LEF1: variants seen among roughly 807,000 people sequenced by gnomAD.
LEF1 encodes lymphoid enhancer-binding factor 1.
A neutral mutation model predicts 51.2 loss-of-function variants in LEF1; 14 were observed. The ratio of observed to expected loss-of-function variants is 0.27; its 90% confidence interval spans 0.18 to 0.43. The LOEUF is 0.43. LEF1 is among the 20% of genes least tolerant of loss of function. The pLI is 1.00. For synonymous variants in LEF1, 185 were observed against 183.2 expected, an observed-to-expected ratio of 1.01 and a Z score of -0.08; for missense variants, 386 against 512.0, an observed-to-expected ratio of 0.75 and a Z score of 2.37.
At chr4:108,064,195 AG>A in intron 10 of LEF1, 140 bp downstream of exon 10, 1 of 551,516 alleles carries the variant, frequency 1.8e-6, no homozygotes, top group East Asian at 3.1e-5. Flanking sequence ...AATTTTTAAA[AG>A]AATTTCAGGA....
intron 3 of LEF1, among the ~76,000 whole-genome samples, chr4:108,108,149 A>T (rs1051172510): frequency 3.3e-5 from 5 of 152,212 alleles, no homozygotes; most frequent in Non-Finnish European, 7.3e-5. Context: ...GTATAGTTAC[A>T]AAGGACCTCA....
intron 3 of LEF1, among the ~76,000 whole-genome samples, chr4:108,126,788 A>T (rs28617637): frequency 0.45 from 63,864 of 142,132 alleles, 16,316 homozygotes; most frequent in Middle Eastern, 0.68. Context: ...CTGGGTGACA[A>T]AGGGAGACTT....
intron 3 of LEF1, among the ~76,000 whole-genome samples, chr4:108,104,897 A>G (rs1741056510): frequency 6.6e-6 from 1 of 152,072 alleles, no homozygotes; most frequent in Admixed American, 6.6e-5. Context: ...CTGCCAGAGG[A>G]CAATTAGGGA....
rs1243919282 is a variant in LEF1 at position 108,168,859 on chromosome 4, G to C, written c.-1092C>G. The C allele has an allele frequency of 6.6e-6, 1 of 152,194 alleles. No homozygotes were observed. Among genetic ancestry groups the C allele is most frequent in the Non-Finnish European group, 1.5e-5 (1 of 68,044 alleles). The allele number at this position is 152,194 out of a possible 1,614,324, so 9.4% of individuals were successfully genotyped here. ...CGGGCGCGTCCTGGTTCCTCGGCCC[G>C]AGAGCGCGCAGCCCGGGTCCCTCCT... On this transcript the variant is annotated 5_prime_UTR_variant, in exon 1 of 12. Coordinates refer to ENST00000265165, the MANE Select transcript of LEF1 (RefSeq NM_016269.5). The surrounding 1 kb of genome is among the most constrained non-coding windows in gnomAD (Gnocchi z 4.6).
chr4:108,134,843 A>G (rs1743148520), intron 3 of LEF1, among the ~76,000 whole-genome samples: 1 of 152,246 alleles, frequency 6.6e-6, no homozygotes, highest in Non-Finnish European at 1.5e-5. Flanking sequence ...AAGTTGAAGC[A>G]GAACCCTTTC....
chr4:108,076,456 C>A (rs1322489020), intron 8 of LEF1, among the ~76,000 whole-genome samples: 1 of 152,126 alleles, frequency 6.6e-6, no homozygotes, highest in Non-Finnish European at 1.5e-5. Flanking sequence ...GCAACCTCCG[C>A]CTCCCAGGTT....
chr4:108,117,183 G>GA (rs1342707875), intron 3 of LEF1, among the ~76,000 whole-genome samples: 4 of 151,990 alleles, frequency 2.6e-5, no homozygotes, highest in Non-Finnish European at 5.9e-5. Flanking sequence ...CTGCCACCCA[G>GA]AAAAAAACTT....
At chr4:108,104,792 G>C in intron 3 of LEF1, 1 of 496,502 alleles carries the variant, frequency 2.0e-6, no homozygotes, top group Non-Finnish European at 2.6e-6. Flanking sequence ...GCTCTCTCTG[G>C]AGTTCCATAA....
rs747868289 is a variant in LEF1, at chr4:108,083,417, T to A, written c.577A>T (p.Ile193Phe). The A allele has an allele frequency of 1.9e-6, 3 of 1,613,412 alleles. No individual in the cohort carries two copies. The highest frequency in any genetic ancestry group is 2.7e-5 in the African/African-American group (2 of 74,900). ...GGAGACAAGGGATAAAAAGTAGGGA[T>A]ATCAGGAGCTGGAGGATGTCTGGAC... ...GMSRHPPAPD[I>F]PTFYPLSPGG... The change falls in exon 5 of 12, where the codon ATC becomes TTC. Residue 193 changes from isoleucine (I) to phenylalanine (F), a missense_variant. Physicochemically the swap from Ile to Phe is conservative, Grantham distance 21. Transcript: ENST00000265165.
At chr4:108,093,510 T>C (rs868638085) in intron 3 of LEF1, among the ~76,000 whole-genome samples, 1 of 152,110 alleles carries the variant, frequency 6.6e-6, no homozygotes, top group Non-Finnish European at 1.5e-5. Context: ...GTAGTCCCAA[T>C]ATGTGCTCTG....
chr4:108,081,474 T>C, intron 6 of LEF1, 112 bp downstream of exon 6: 3 of 767,170 alleles, frequency 3.9e-6, no homozygotes, highest in East Asian at 5.3e-5. Context: ...GACAGACACA[T>C]GGCTGAGGTA....
intron 3 of LEF1, among the ~76,000 whole-genome samples, chr4:108,119,454 C>T (rs1742033220): frequency 6.6e-6 from 1 of 151,876 alleles, no homozygotes; most frequent in African/African-American, 2.4e-5. Flanking sequence ...TAATAGAGTT[C>T]AGATTTATGA....
intron 3 of LEF1, among the ~76,000 whole-genome samples, chr4:108,123,388 T>G (rs897180960): frequency 6.6e-6 from 1 of 150,970 alleles, no homozygotes; most frequent in Admixed American, 6.6e-5. Context: ...TTGCCTTTAC[T>G]CTAAAGATAT....
Position 108,099,617 on chromosome 4 carries a change from T to A in LEF1, c.415-10360A>T, listed in dbSNP as rs868424261. 5.0e-3 allele frequency among the ~76,000 whole-genome samples: 585 copies of A among 118,158 alleles called. 7 individuals are homozygous for A. Among genetic ancestry groups the A allele is most frequent in the Non-Finnish European group, 7.0e-3 (408 of 58,248 alleles). The allele number at this position is 118,158 out of a possible 152,430, so 77.5% of individuals were successfully genotyped here. A position where few individuals can be genotyped will look rare whatever the true frequency, so the allele number is the denominator to read the frequency against. ...ATATATATATATATATATATATATA[T>A]AAATAATACTTGAAATTATGGGGTA... On this transcript the variant is annotated intron_variant, in intron 3 of 11. Transcript: ENST00000265165.
chr4:108,106,882 A>T (rs1741205335), intron 3 of LEF1, among the ~76,000 whole-genome samples: 1 of 152,234 alleles, frequency 6.6e-6, no homozygotes, highest in Admixed American at 6.5e-5. Flanking sequence ...TACTTCTGTG[A>T]GTGCACAGAG....
intron 7 of LEF1, among the ~76,000 whole-genome samples, chr4:108,078,670 G>T (rs146722184): frequency 3.3e-4 from 50 of 152,274 alleles, no homozygotes; most frequent in Non-Finnish European, 6.3e-4. Context: ...ACACCAAGTA[G>T]AAATGGACTT....
chr4:108,084,842 A>G (rs553717746), intron 4 of LEF1, among the ~76,000 whole-genome samples: 38 of 152,256 alleles, frequency 2.5e-4, no homozygotes, highest in Admixed American at 1.7e-3. Context: ...GATTCTTAAC[A>G]TATCAGAATC....
intron 3 of LEF1, among the ~76,000 whole-genome samples, chr4:108,099,586 A>ATGTGTGTGTG (rs1327585087): frequency 6.4e-5 from 3 of 46,880 alleles, no homozygotes; most frequent in African/African-American, 1.7e-4. Context: ...ATATATATAT[A>ATGTGTGTGTG]TATATATATA....
intron 9 of LEF1, among the ~76,000 whole-genome samples, chr4:108,067,617 C>A (rs1279132400): frequency 6.6e-6 from 1 of 151,544 alleles, no homozygotes; most frequent in South Asian, 2.1e-4. Context: ...GCAACCTCTT[C>A]CTCTCGGGTT....
Sources: gnomAD v4.1 joint callset for allele counts (sites outside exome capture counted in the v4.1 genomes callset) on GRCh38, gnomAD v4.1.1 for gene constraint, Gnocchi (gnomAD v3.1) non-coding constraint, MANE v1.5 for transcripts, NCBI Gene and HGNC (gene_info 2026-07-23, HGNC 2026-07-21) for gene names.